The following OTUD7A variants were observed in gnomAD, a reference collection of about 807,000 sequenced individuals.
OTUD7A encodes the protein OTU domain-containing protein 7A.
A neutral mutation model predicts 65.7 loss-of-function variants in OTUD7A; 12 were observed. The observed-to-expected ratio is 0.18, with a 90% CI of 0.12 to 0.30. The LOEUF is 0.30. Among genes scored for constraint, OTUD7A ranks in the 10% least tolerant of loss-of-function variants. OTUD7A has a pLI of 1.00. For synonymous variants in OTUD7A, 641 were observed against 586.3 expected, an observed-to-expected ratio of 1.09 and a Z score of -1.35; for missense variants, 1,148 against 1,304.8, an observed-to-expected ratio of 0.88 and a Z score of 1.85.
intron 3 of OTUD7A, among the ~76,000 whole-genome samples, chr15:31,598,254 G>A (rs1446676921): frequency 6.6e-6 from 1 of 152,252 alleles, no homozygotes; most frequent in African/African-American, 2.4e-5. Context: ...AGTTCCCAGT[G>A]AGATCGACGC....
intron 3 of OTUD7A, among the ~76,000 whole-genome samples, chr15:31,573,941 G>A (rs766262895): frequency 1.3e-5 from 2 of 151,976 alleles, no homozygotes; most frequent in Non-Finnish European, 2.9e-5. Flanking sequence ...ACAGTTGACA[G>A]GTCAAATATG....
In OTUD7A at chr15:31,570,022, G is replaced by A. The variant is rs777901212; in HGVS notation, c.327C>T (p.Ala109=). 2.9e-5 allele frequency: 46 copies of A among 1,613,778 alleles called. No individual in the cohort carries two copies. The highest frequency in any genetic ancestry group is 3.7e-5 in the Non-Finnish European group (44 of 1,180,028). ...GGCTCAGTCCCTCAGCGGTACCTTGGGCAATGTCGTCCTGCCTCTGCAGGC... is the reference window on the plus strand; with the variant it reads ...GGCTCAGTCCCTCAGCGGTACCTTGAGCAATGTCGTCCTGCCTCTGCAGGC... ...RPCLQRQDDI[A]QEKRLSRGIS... is the part of the protein sequence containing the mutation. The change falls in exon 4 of 13, where the codon GCC becomes GCT. Residue 109 remains alanine (A), a synonymous_variant. Transcript: ENST00000307050.
intron 1 of OTUD7A, among the ~76,000 whole-genome samples, chr15:31,833,515 C>A (rs1377443265): frequency 6.6e-6 from 1 of 152,206 alleles, no homozygotes; most frequent in African/African-American, 2.4e-5. Context: ...TGGCAATAGC[C>A]TTGCAGCAAG....
chr15:31,545,885 TG>T (rs1888115809), intron 5 of OTUD7A, among the ~76,000 whole-genome samples: 2 of 152,304 alleles, frequency 1.3e-5, no homozygotes, highest in African/African-American at 2.4e-5. Context: ...ATTGACCCTC[TG>T]TTATCTGTGG....
At chr15:31,857,459 G>A (rs1248147045) in intron 1 of OTUD7A, among the ~76,000 whole-genome samples, 2 of 152,142 alleles carry the variant, frequency 1.3e-5, no homozygotes, top group Non-Finnish European at 2.9e-5. Context: ...CCCTCTGCTG[G>A]CACTTGGGTT....
intron 10 of OTUD7A, among the ~76,000 whole-genome samples, chr15:31,490,884 ATCT>A (rs1179086987): frequency 6.6e-6 from 1 of 152,124 alleles, no homozygotes; most frequent in African/African-American, 2.4e-5. Context: ...ACTAAGGGTC[ATCT>A]TCTGTTACTC....
chr15:31,844,909 G>A (rs898226978), intron 1 of OTUD7A, among the ~76,000 whole-genome samples: 1 of 152,154 alleles, frequency 6.6e-6, no homozygotes, highest in African/African-American at 2.4e-5. Flanking sequence ...CCAGGACTTG[G>A]TGTCCCCATC....
At chr15:31,764,617 C>T (rs1895052419) in intron 1 of OTUD7A, among the ~76,000 whole-genome samples, 1 of 151,946 alleles carries the variant, frequency 6.6e-6, no homozygotes, top group South Asian at 2.1e-4. Flanking sequence ...AGTCAATGTG[C>T]CATTATCTTG....
At chr15:31,699,660 A>C (rs1595714817) in intron 1 of OTUD7A, among the ~76,000 whole-genome samples, 1 of 152,080 alleles carries the variant, frequency 6.6e-6, no homozygotes, top group African/African-American at 2.4e-5. Flanking sequence ...AGGCCTGCAG[A>C]GGGAAGACCA....
chr15:31,583,445 A>T (rs769058260), intron 3 of OTUD7A, among the ~76,000 whole-genome samples: 42 of 152,002 alleles, frequency 2.8e-4, no homozygotes, highest in Non-Finnish European at 7.4e-5. Context: ...TCCCCACCCA[A>T]ATCTCATCTT....
chr15:31,614,200 A>C (rs1027374332), intron 3 of OTUD7A, among the ~76,000 whole-genome samples: 113 of 152,222 alleles, frequency 7.4e-4, no homozygotes, highest in African/African-American at 2.6e-3. Flanking sequence ...GGTGCAGTGT[A>C]TTACTGCTCA....
intron 1 of OTUD7A, among the ~76,000 whole-genome samples, chr15:31,810,366 G>A (rs1420327036): frequency 6.6e-6 from 1 of 152,214 alleles, no homozygotes; most frequent in East Asian, 1.9e-4. Context: ...TGCATTTGGA[G>A]ATAGAGCATT....
At chr15:31,808,447 G>C (rs376617777) in intron 1 of OTUD7A, among the ~76,000 whole-genome samples, 3 of 152,276 alleles carry the variant, frequency 2.0e-5, no homozygotes, top group African/African-American at 7.2e-5. Context: ...CTGGAAAGAG[G>C]AGAAGGTGCC....
intron 3 of OTUD7A, among the ~76,000 whole-genome samples, chr15:31,607,413 A>C (rs1890268382): frequency 6.6e-6 from 1 of 152,202 alleles, no homozygotes; most frequent in South Asian, 2.1e-4. Flanking sequence ...AATTACTTAA[A>C]TACCTGATTG....
intron 1 of OTUD7A, chr15:31,767,162 T>C: frequency 7.7e-7 from 1 of 1,302,812 alleles, no homozygotes; most frequent in Non-Finnish European, 1.1e-6. Context: ...GGCACTCAGT[T>C]GATTTGAAGG....
rs767838065 is a variant in OTUD7A at position 31,501,766 on chromosome 15, A to G, written c.1095T>C (p.Pro365=). The change falls in exon 10 of 13, where the codon CCT becomes CCC. Residue 365 remains proline (P), a synonymous_variant. Transcript: ENST00000307050. The part of the protein sequence containing the change: ...EVPPNRCHCS[P]LVLAYDQAHF... ...GGGCTTGATCATAGGCCAGAACCAG[A>G]GGCGAGCAGTGGCATCTGTTGGGAG... 3.1e-6 allele frequency: 5 copies of G among 1,614,066 alleles called. No homozygotes were observed. Among genetic ancestry groups the G allele is most frequent in the Non-Finnish European group, 3.4e-6 (4 of 1,180,018 alleles).
At chr15:31,766,308 G>C in intron 1 of OTUD7A, 1 of 1,605,776 alleles carries the variant, frequency 6.2e-7, no homozygotes, top group African/African-American at 1.3e-5. Context: ...ACTCATTCGG[G>C]AAATCATACG....
At chr15:31,624,115 T>C (rs1890882739) in intron 3 of OTUD7A, among the ~76,000 whole-genome samples, 1 of 152,224 alleles carries the variant, frequency 6.6e-6, no homozygotes, top group South Asian at 2.1e-4. Flanking sequence ...CATTTGATGT[T>C]AAAAAGCTGT....
chr15:31,509,755 C>T (rs935797810), intron 8 of OTUD7A, among the ~76,000 whole-genome samples: 6 of 146,728 alleles, frequency 4.1e-5, no homozygotes, highest in Non-Finnish European at 7.5e-5. Flanking sequence ...TTTTAAATTA[C>T]GTAATATTTT....
Sources: gnomAD v4.1 joint callset for allele counts (sites outside exome capture counted in the v4.1 genomes callset) on GRCh38, gnomAD v4.1.1 for gene constraint, MANE v1.5 for transcripts, NCBI Gene and HGNC (gene_info 2026-07-23, HGNC 2026-07-21) for gene names.